RPS6KL1: variants seen among roughly 807,000 people sequenced by gnomAD.
RPS6KL1 encodes ribosomal protein S6 kinase like 1.
RPS6KL1 carries 41 observed loss-of-function variants against 57.0 expected under a neutral mutation model. The observed-to-expected ratio is 0.72, with a 90% CI of 0.56 to 0.93. The LOEUF (loss-of-function observed/expected upper bound fraction) is 0.93, where lower values mean the gene tolerates loss of function less well. RPS6KL1 is among the 40% of genes least tolerant of loss of function. RPS6KL1 has a pLI of 0.00. For synonymous variants in RPS6KL1, 287 were observed against 309.7 expected (o/e 0.93, Z 0.77); for missense variants, 697 against 727.7 (o/e 0.96, Z 0.49).
Position 74,906,304 on chromosome 14 carries a change from A to AC in RPS6KL1, c.*709dup, listed in dbSNP as rs774670693. The stretch of plus-strand genomic sequence containing the variant: ...GTTTCAGACTTGCTCTAAGGGGCAG[A>AC]CCCATGCATTCCTTCCTCCCCCCAT... On this transcript the variant is annotated 3_prime_UTR_variant, in exon 12 of 12. Coordinates refer to ENST00000557413, the MANE Select transcript of RPS6KL1 (RefSeq NM_031464.5). 7 of 347,494 alleles carry AC rather than the reference A, an allele frequency of 2.0e-5. No individual in the cohort carries two copies. Among genetic ancestry groups the AC allele is most frequent in the Admixed American group, 1.1e-4 (3 of 26,148 alleles). 21.5% of individuals were successfully genotyped at this position (347,494 alleles called of 1,614,324 possible).
chr14:74,921,238 T>TTGCCCCCCCC, intron 3 of RPS6KL1, 39 bp downstream of exon 3: 24 of 840,148 alleles, frequency 2.9e-5, no homozygotes, highest in Non-Finnish European at 4.3e-5. Flanking sequence ...CACTGGCCCT[T>TTGCCCCCCCC]CCCCACCCAC....
chr14:74,918,413 G>T, intron 5 of RPS6KL1, 100 bp downstream of exon 5: 3 of 863,350 alleles, frequency 3.5e-6, no homozygotes, highest in Non-Finnish European at 5.2e-6. Flanking sequence ...GGGGGCCACT[G>T]CTACAGACCT....
chr14:74,911,766 A>C lies in RPS6KL1; in HGVS notation c.531+28T>G, dbSNP rs902663817. The C allele has an allele frequency of 1.9e-6, 3 of 1,554,604 alleles. No individual in the cohort carries two copies. The African/African-American group carries it at 4.1e-5, about 21-fold the overall frequency. ...CCTGAGAAAGATCCAAGGGGAATGCAGAGTGGCAGGGGCAGGGTGGCACCT... is the reference window on the plus strand; with the variant it reads ...CCTGAGAAAGATCCAAGGGGAATGCCGAGTGGCAGGGGCAGGGTGGCACCT... On this transcript the variant is annotated intron_variant, in intron 6 of 11. Coordinates refer to ENST00000557413, the MANE Select transcript of RPS6KL1 (RefSeq NM_031464.5).
chr14:74,906,141 T>TGAGA lies in RPS6KL1; in HGVS notation c.*869_*872dup, dbSNP rs1884771243. ...AGTGACATGGTAAACAGCCAGGGCC[T>TGAGA]GAGAGGGAGTCCTGATGGGCACACC... On this transcript the variant is annotated 3_prime_UTR_variant, in exon 12 of 12. Transcript: ENST00000557413. The TGAGA allele has an allele frequency of 4.8e-6, 1 of 207,598 alleles. No homozygotes were observed. The highest frequency in any genetic ancestry group is 2.3e-5 in the African/African-American group (1 of 44,092). The allele number at this position is 207,598 out of a possible 1,614,324, so 12.9% of individuals were successfully genotyped here.
chr14:74,911,329 G>A lies in RPS6KL1; in HGVS notation c.583C>T (p.His195Tyr). 1 of 1,611,820 alleles carries A rather than the reference G, an allele frequency of 6.2e-7. No individual in the cohort carries two copies. The highest frequency in any genetic ancestry group is 8.5e-7 in the Non-Finnish European group (1 of 1,179,944). Residue 195 changes from histidine (H) to tyrosine (Y), a missense_variant, in exon 7 of 12, where the codon CAC (histidine) becomes TAC (tyrosine). Physicochemically the swap from His to Tyr is moderately conservative, Grantham distance 83. Coordinates refer to ENST00000557413, the MANE Select transcript of RPS6KL1 (RefSeq NM_031464.5). Reference protein sequence around the residue: ...VSRERLTIIPHGVPYMTKLLR... With the variant: ...VSRERLTIIPYGVPYMTKLLR... ...AGCTTCGTCATGTAGGGGACTCCGT[G>A]TGGGATGATGGTCAGCCGCTCCCTG...
intron 4 of RPS6KL1, 148 bp from the exon 5 acceptor site, chr14:74,918,753 G>T: frequency 5.1e-6 from 3 of 593,140 alleles, no homozygotes; most frequent in Non-Finnish European, 8.7e-6. Flanking sequence ...CCCCACAGTG[G>T]CAGGCTGGGT....
At chr14:74,920,072 G>T in intron 3 of RPS6KL1, 103 bp from the exon 4 acceptor site, 1 of 1,457,584 alleles carries the variant, frequency 6.9e-7, no homozygotes, top group Non-Finnish European at 9.5e-7. Context: ...GTGAGCTCCT[G>T]TTTCTAAGGC....
At position 74,921,282 on chromosome 14, in the gene RPS6KL1, A is replaced by G. The variant is rs1887798174; in HGVS notation, c.260T>C (p.Ile87Thr). The change falls in exon 3 of 12, where the codon ATA becomes ACA. Residue 87 changes from isoleucine to threonine, a missense_variant. Coordinates refer to ENST00000557413, the MANE Select transcript of RPS6KL1 (RefSeq NM_031464.5). ...TGCCCAGCCCCGGTCCTCACCGTGT[A>G]TGCCACGGAGCAGCACGTCCACGCC... ...QNGVDVLLRG[I>T]HVDPNKERRE... 7.4e-7 allele frequency: 1 copy of G among 1,360,114 alleles called. No homozygotes were observed. Among genetic ancestry groups the G allele is most frequent in the African/African-American group, 1.5e-5 (1 of 68,020 alleles). 84.3% of individuals were successfully genotyped at this position (1,360,114 alleles called of 1,614,324 possible). A position where few individuals can be genotyped will look rare whatever the true frequency, so the allele number is the denominator to read the frequency against.
chr14:74,921,356 C>T lies in RPS6KL1; in HGVS notation c.186G>A (p.Glu62=), dbSNP rs1318542131. The T allele has an allele frequency of 6.2e-7, 1 of 1,614,162 alleles. No homozygotes were observed. The highest frequency in any genetic ancestry group is 8.5e-7 in the Non-Finnish European group (1 of 1,180,062). ...CCTCATAGTCCTCACTAACATCGCG[C>T]TCCAGGGCCAGCCGGATCTGCGTGG... ...DAATQIRLAL[E]RDVSEDYEAA... Residue 62 remains glutamate (E), a synonymous_variant, in exon 3 of 12, where the codon GAG becomes GAA. Transcript: ENST00000557413.
intron 8 of RPS6KL1, 80 bp from the exon 9 acceptor site, chr14:74,909,270 A>C: frequency 7.3e-7 from 1 of 1,378,918 alleles, no homozygotes; most frequent in Non-Finnish European, 1.0e-6. Flanking sequence ...GCTTCCCCCA[A>C]CAGTCATGCG....
At chr14:74,909,388 C>G in intron 8 of RPS6KL1, 155 bp downstream of exon 8, 1 of 1,113,658 alleles carries the variant, frequency 9.0e-7, no homozygotes, top group Non-Finnish European at 1.3e-6. Flanking sequence ...TCCCAGGAGC[C>G]TCGGCCAACA....
chr14:74,916,889 T>C (rs1018926525), intron 5 of RPS6KL1, among the ~76,000 whole-genome samples: 12 of 152,182 alleles, frequency 7.9e-5, no homozygotes, highest in Non-Finnish European at 1.8e-4. Flanking sequence ...TTTCCTATCA[T>C]ACTCAGCTCA....
chr14:74,907,439 G>C lies in RPS6KL1; in HGVS notation c.1535C>G (p.Thr512Ser), dbSNP rs752432161. 1 of 1,576,168 alleles carries C rather than the reference G, an allele frequency of 6.3e-7. No individual in the cohort carries two copies. Among genetic ancestry groups the C allele is most frequent in the South Asian group, 1.2e-5 (1 of 85,982 alleles). ...TCTGGCCGGGCTACACCTCACCTCA[G>C]TCAGCAGAGAGGCCGCTGGGCGACT... ...WLSRPAASLL[T>S]ELLQFEPTRR... Residue 512 changes from threonine (T) to serine (S), a missense_variant, in exon 11 of 12, where the codon ACT becomes AGT. Physicochemically the swap from Thr to Ser is moderately conservative, Grantham distance 58 (BLOSUM62 1). Transcript: ENST00000557413.
In RPS6KL1 at chr14:74,909,750, C is replaced by T. The variant is rs777077947; in HGVS notation, c.1063G>A (p.Val355Met). The change falls in exon 8 of 12, where the codon GTG (valine) becomes ATG (methionine). Residue 355 changes from valine to methionine, a missense_variant. By Grantham distance (21) the Val-to-Met change is conservative (BLOSUM62 1). Transcript: ENST00000557413. ...ATGCCTCGGCCACAGCCCCCTAGCACCGGGCCGGCCCCCTCAGGAACCCAA... is the reference window on the plus strand; with the variant it reads ...ATGCCTCGGCCACAGCCCCCTAGCATCGGGCCGGCCCCCTCAGGAACCCAA... Reference protein sequence around the residue: ...LTWVPEGAGPVLGGCGRGMDQ... With the variant: ...LTWVPEGAGPMLGGCGRGMDQ... 3 of 1,606,766 alleles carry T rather than the reference C, an allele frequency of 1.9e-6. No homozygotes were observed. The African/African-American group carries it at 4.0e-5, about 21-fold the overall frequency.
chr14:74,911,956 G>A lies in RPS6KL1; in HGVS notation c.484-115C>T, dbSNP rs528742971. On this transcript the variant is annotated intron_variant, in intron 5 of 11. Transcript: ENST00000557413. ...TGAGGCTGACTCACTCCAGTGGCAGGGCAGGGAGGGCGGGCTTTGGTGGCA... is the reference window on the plus strand; with the variant it reads ...TGAGGCTGACTCACTCCAGTGGCAGAGCAGGGAGGGCGGGCTTTGGTGGCA... The A allele has an allele frequency of 8.9e-5, 72 of 811,282 alleles. 1 individual carries two copies. The South Asian group carries it at 8.9e-4, about 10-fold the overall frequency. 50.3% of individuals were successfully genotyped at this position (811,282 alleles called of 1,614,324 possible). A position where few individuals can be genotyped will look rare whatever the true frequency, so the allele number is the denominator to read the frequency against.
In RPS6KL1 at chr14:74,921,346, T is replaced by C; in HGVS notation, c.196A>G (p.Ser66Gly). The C allele has an allele frequency of 6.2e-7, 1 of 1,610,804 alleles. No individual in the cohort carries two copies. Among genetic ancestry groups the C allele is most frequent in the Non-Finnish European group, 8.5e-7 (1 of 1,177,916 alleles). The part of the protein sequence containing the change: ...QIRLALERDV[S>G]EDYEAAFNHY... ...TTGAAGGCCGCCTCATAGTCCTCAC[T>C]AACATCGCGCTCCAGGGCCAGCCGG... Residue 66 changes from serine (S) to glycine (G), a missense_variant, in exon 3 of 12, where the codon AGT (serine) becomes GGT (glycine). Physicochemically the swap from Ser to Gly is moderately conservative, Grantham distance 56. Coordinates refer to ENST00000557413, the MANE Select transcript of RPS6KL1 (RefSeq NM_031464.5).
rs1266826111 is a variant in RPS6KL1 at position 74,908,943 on chromosome 14, A to C, written c.1361-11T>G. ...AAATCCCACCCACCTCTGTGGGAAC[A>C]AGAACACAGGTGTCCCAGCCTCACC... On this transcript the variant is annotated splice_polypyrimidine_tract_variant and intron_variant, in intron 9 of 11. Coordinates refer to ENST00000557413, the MANE Select transcript of RPS6KL1 (RefSeq NM_031464.5). 6.2e-7 allele frequency: 1 copy of C among 1,611,262 alleles called. No individual in the cohort carries two copies. The highest frequency in any genetic ancestry group is 1.7e-5 in the Admixed American group (1 of 59,950).
In RPS6KL1 at chr14:74,906,705, G is replaced by A; in HGVS notation, c.*309C>T. 1 of 552,946 alleles carries A rather than the reference G, an allele frequency of 1.8e-6. No individual in the cohort carries two copies. The highest frequency in any genetic ancestry group is 1.5e-5 in the South Asian group (1 of 66,140). 34.3% of individuals were successfully genotyped at this position (552,946 alleles called of 1,614,324 possible). On this transcript the variant is annotated 3_prime_UTR_variant, in exon 12 of 12. Transcript: ENST00000557413. Reference sequence around the variant, plus strand: ...AGGTGGTCAACAGCTCAGCGCCAGTGCCACAGAAGGCAACCTTTAACATGG... The same window carrying A: ...AGGTGGTCAACAGCTCAGCGCCAGTACCACAGAAGGCAACCTTTAACATGG...
intron 5 of RPS6KL1, among the ~76,000 whole-genome samples, chr14:74,913,716 G>C (rs1886397068): frequency 6.6e-6 from 1 of 152,120 alleles, no homozygotes; most frequent in Admixed American, 6.5e-5. Context: ...TTCCTTCAGG[G>C]GGTCCTGAAG....
Sources: gnomAD v4.1 joint callset for allele counts (sites outside exome capture counted in the v4.1 genomes callset) on GRCh38, gnomAD v4.1.1 for gene constraint, MANE v1.5 for transcripts, NCBI Gene and HGNC (gene_info 2026-07-23, HGNC 2026-07-21) for gene names.